The following AUTS2 variants were observed in gnomAD, a reference collection of about 807,000 sequenced individuals.
The protein encoded by AUTS2 is activator of transcription and developmental regulator AUTS2, also known as autism susceptibility gene 2 protein.
A neutral mutation model predicts 112.4 loss-of-function variants in AUTS2; 17 were observed. The observed-to-expected ratio is 0.15, with a 90% CI of 0.10 to 0.23. AUTS2 has a LOEUF of 0.23. AUTS2 is among the 10% of genes least tolerant of loss of function. The probability of loss-of-function intolerance (pLI) is 1.00; values close to 1 mark genes in which losing one functional copy is unlikely to be tolerated. For missense variants in AUTS2, 1,510 were observed against 1,701.6 expected (o/e 0.89, Z 1.98); for synonymous variants, 751 against 702.7 (o/e 1.07, Z -1.09).
chr7:70,004,134 A>G (rs1799398777), intron 2 of AUTS2, among the ~76,000 whole-genome samples: 1 of 132,140 alleles, frequency 7.6e-6, no homozygotes, highest in East Asian at 2.1e-4. Flanking sequence ...GTGAATATAT[A>G]TAATATATAT....
At chr7:70,244,667 T>C (rs1425326904) in intron 4 of AUTS2, among the ~76,000 whole-genome samples, 1 of 152,212 alleles carries the variant, frequency 6.6e-6, no homozygotes, top group Admixed American at 6.5e-5. Flanking sequence ...ATATGCTTTA[T>C]GGATTTTTTG....
At chr7:69,654,210 C>A (rs893508762) in intron 1 of AUTS2, among the ~76,000 whole-genome samples, 2 of 152,032 alleles carry the variant, frequency 1.3e-5, no homozygotes, top group African/African-American at 4.8e-5. Context: ...ACTTTTTATT[C>A]TCTCTTTTGA....
intron 1 of AUTS2, among the ~76,000 whole-genome samples, chr7:69,662,919 C>A (rs1795871408): frequency 2.0e-5 from 3 of 152,200 alleles, no homozygotes; most frequent in African/African-American, 7.2e-5. Flanking sequence ...AGCCAGCCCT[C>A]TTCTGTTAGT....
intron 4 of AUTS2, among the ~76,000 whole-genome samples, chr7:70,318,122 G>T (rs2129617400): frequency 6.6e-6 from 1 of 152,220 alleles, no homozygotes; most frequent in East Asian, 1.9e-4. Context: ...AATCTATTAT[G>T]CATGTCACGT....
chr7:69,672,391 G>T (rs1796377224), intron 1 of AUTS2, among the ~76,000 whole-genome samples: 1 of 152,094 alleles, frequency 6.6e-6, no homozygotes, highest in African/African-American at 2.4e-5. Context: ...CTTTGTCAAT[G>T]GAGAAGATGT....
chr7:70,113,643 T>G (rs1018028676), intron 2 of AUTS2, among the ~76,000 whole-genome samples: 2 of 152,198 alleles, frequency 1.3e-5, no homozygotes, highest in Non-Finnish European at 2.9e-5. Flanking sequence ...GAGATTCCAT[T>G]TGGACAGTCT....
intron 1 of AUTS2, among the ~76,000 whole-genome samples, chr7:69,652,672 G>C (rs1163326044): frequency 1.3e-5 from 2 of 151,936 alleles, no homozygotes; most frequent in African/African-American, 4.8e-5. Context: ...GACCTGCAAA[G>C]TTTTACAAAC....
chr7:70,255,851 T>C (rs1786838911), intron 4 of AUTS2, among the ~76,000 whole-genome samples: 1 of 152,238 alleles, frequency 6.6e-6, no homozygotes, highest in Admixed American at 6.5e-5. Context: ...TTTAATTATA[T>C]GCACTAAAAC....
chr7:69,603,913 G>A (rs915330869), intron 1 of AUTS2, among the ~76,000 whole-genome samples: 8 of 152,118 alleles, frequency 5.3e-5, no homozygotes, highest in African/African-American at 1.7e-4. Flanking sequence ...TCTGTGTTGT[G>A]TCTATTAGGA....
chr7:70,007,851 T>G (rs1438444028), intron 2 of AUTS2, among the ~76,000 whole-genome samples: 2 of 152,226 alleles, frequency 1.3e-5, no homozygotes, highest in African/African-American at 4.8e-5. Context: ...TTCAGACTTT[T>G]CAGTCATGAG....
intron 14 of AUTS2, among the ~76,000 whole-genome samples, chr7:70,779,016 C>T (rs1369834656): frequency 6.6e-6 from 1 of 152,182 alleles, no homozygotes; most frequent in African/African-American, 2.4e-5. Context: ...GAGATAACTT[C>T]GTTCATCTTC....
intron 2 of AUTS2, among the ~76,000 whole-genome samples, chr7:69,983,665 G>A (rs1798389128): frequency 6.6e-6 from 1 of 152,038 alleles, no homozygotes; most frequent in African/African-American, 2.4e-5. Context: ...AAAGATAAAG[G>A]CATTTTTATT....
chr7:70,005,499 G>A (rs1469131577), intron 2 of AUTS2, among the ~76,000 whole-genome samples: 1 of 152,180 alleles, frequency 6.6e-6, no homozygotes, highest in African/African-American at 2.4e-5. Context: ...TCCCTTGTGA[G>A]AGGCTCACTA....
At chr7:70,414,765 C>T (rs1431597291) in intron 4 of AUTS2, among the ~76,000 whole-genome samples, 1 of 152,142 alleles carries the variant, frequency 6.6e-6, no homozygotes, top group Non-Finnish European at 1.5e-5. Context: ...ATGAGAGGAT[C>T]TATTTAGGGG....
At chr7:70,529,820 G>T (rs1478357108) in intron 5 of AUTS2, among the ~76,000 whole-genome samples, 1 of 152,232 alleles carries the variant, frequency 6.6e-6, no homozygotes, top group Non-Finnish European at 1.5e-5. Context: ...ACAGGGCTTT[G>T]TGTCTATTCA....
rs185695418 is a variant in AUTS2, at chr7:69,953,157, A to G, written c.522+53659A>G. Among the ~76,000 whole-genome samples the G allele has an allele frequency of 2.1e-3, 319 of 152,320 alleles. 1 individual carries two copies. The highest frequency in any genetic ancestry group is 7.3e-3 in the African/African-American group (305 of 41,572). ...ATCTGTTAAGAGATCTTGTCCTAAA[A>G]GGATGGCACTTAGTGTTGGAACTGG... On this transcript the variant is annotated intron_variant, in intron 2 of 18. Transcript: ENST00000342771.
At chr7:69,644,212 G>T in intron 1 of AUTS2, among the ~76,000 whole-genome samples, 1 of 152,180 alleles carries the variant, frequency 6.6e-6, no homozygotes, top group East Asian at 1.9e-4. Flanking sequence ...CACAAAGGTT[G>T]CCAGATAGCA....
intron 2 of AUTS2, among the ~76,000 whole-genome samples, chr7:70,098,171 A>T (rs1804298961): frequency 6.6e-6 from 1 of 152,160 alleles, no homozygotes; most frequent in African/African-American, 2.4e-5. Context: ...AATATAAGAG[A>T]ACTGTGACTT....
intron 4 of AUTS2, among the ~76,000 whole-genome samples, chr7:70,367,533 G>A (rs1792636227): frequency 6.6e-6 from 1 of 150,382 alleles, no homozygotes. Context: ...TCCAGCCTGG[G>A]AGACAGAGCG....
Sources: allele counts gnomAD v4.1 joint callset (sites outside exome capture counted in the v4.1 genomes callset), GRCh38; gene constraint gnomAD v4.1.1; transcripts MANE v1.5; gene names NCBI Gene and HGNC (gene_info 2026-07-23, HGNC 2026-07-21).